Variants in EHBP1 observed in about 807,000 individuals in gnomAD.
The protein encoded by EHBP1 is EH domain binding protein 1, also known as EH domain-binding protein 1.
A neutral mutation model predicts 144.0 loss-of-function variants in EHBP1; 55 were observed. That is an observed-to-expected ratio of 0.38 (90% CI 0.31 to 0.48). EHBP1 has a LOEUF of 0.48. Ranked by LOEUF, EHBP1 falls within the 20% of genes least tolerant of loss-of-function variation. The pLI is 0.98. For missense variants in EHBP1, 1,200 were observed against 1,364.2 expected (o/e 0.88, Z 1.90); for synonymous variants, 469 against 472.7 (o/e 0.99, Z 0.10).
At chr2:63,038,691 T>G (rs574202097) in intron 20 of EHBP1, 52 bp from the exon 21 acceptor site, 54 of 1,534,670 alleles carry the variant, frequency 3.5e-5, no homozygotes, top group Non-Finnish European at 4.7e-5. Flanking sequence ...TTCTTTTAAG[T>G]TTTTAATGAT....
At chr2:62,780,205 A>G (rs1418793189) in intron 5 of EHBP1, among the ~76,000 whole-genome samples, 1 of 152,168 alleles carries the variant, frequency 6.6e-6, no homozygotes, top group Non-Finnish European at 1.5e-5. Context: ...AAAAAAATTG[A>G]CTATATAAGA....
chr2:62,899,622 T>C (rs146164187), intron 10 of EHBP1, among the ~76,000 whole-genome samples: 23 of 152,346 alleles, frequency 1.5e-4, no homozygotes, highest in African/African-American at 5.1e-4. Context: ...GTCACAGATA[T>C]ATTACATGCA....
chr2:62,764,441 T>C (rs1281811333), intron 4 of EHBP1, 80 bp downstream of exon 4: 3 of 1,152,780 alleles, frequency 2.6e-6, no homozygotes, highest in Non-Finnish European at 2.4e-6. Context: ...TGTTCATTGT[T>C]CTATACATTT....
intron 10 of EHBP1, among the ~76,000 whole-genome samples, chr2:62,910,794 A>T (rs912191645): frequency 6.6e-6 from 1 of 152,148 alleles, no homozygotes; most frequent in Non-Finnish European, 1.5e-5. Context: ...TAATATTTTG[A>T]TGGGGAATAT....
chr2:63,022,529 G>A (rs909751362), intron 19 of EHBP1, among the ~76,000 whole-genome samples: 1 of 151,806 alleles, frequency 6.6e-6, no homozygotes, highest in Non-Finnish European at 1.5e-5. Context: ...TGGCCAGGCT[G>A]ATCTCGAACT....
At chr2:62,863,549 T>G (rs1234377580) in intron 8 of EHBP1, among the ~76,000 whole-genome samples, 1 of 152,196 alleles carries the variant, frequency 6.6e-6, no homozygotes, top group Non-Finnish European at 1.5e-5. Context: ...ATTATAGTGC[T>G]TTCACCTTGA....
At chr2:62,906,014 A>G (rs984993356) in intron 10 of EHBP1, among the ~76,000 whole-genome samples, 4 of 152,150 alleles carry the variant, frequency 2.6e-5, no homozygotes, top group Non-Finnish European at 5.9e-5. Flanking sequence ...TATATAAAAA[A>G]AAACTTTCAC....
At chr2:62,861,729 G>A (rs1441132679) in intron 8 of EHBP1, among the ~76,000 whole-genome samples, 1 of 151,072 alleles carries the variant, frequency 6.6e-6, no homozygotes, top group Non-Finnish European at 1.5e-5. Context: ...GCGACAGAGT[G>A]AGTGAAACTC....
intron 7 of EHBP1, among the ~76,000 whole-genome samples, chr2:62,854,217 T>A (rs2048871597): frequency 6.6e-6 from 1 of 152,244 alleles, no homozygotes; most frequent in Admixed American, 6.5e-5. Context: ...CTTAAGGGAA[T>A]GCTATGGTTG....
Position 62,942,730 on chromosome 2 carries a change from C to G in EHBP1, c.1198C>G (p.Pro400Ala), listed in dbSNP as rs776977407. 6.2e-7 allele frequency: 1 copy of G among 1,602,836 alleles called. No homozygotes were observed. The highest frequency in any genetic ancestry group is 8.5e-7 in the Non-Finnish European group (1 of 1,173,912). The change falls in exon 11 of 23, where the codon CCA becomes GCA. Residue 400 changes from proline to alanine, a missense_variant. Physicochemically the swap from Pro to Ala is conservative, Grantham distance 27. Transcript: ENST00000431489. ...CATTTTTTTCTAGCCAAGCCCTATACCAAGTCCTGTTTTGGGGCGAAAGCC... is the reference window on the plus strand; with the variant it reads ...CATTTTTTTCTAGCCAAGCCCTATAGCAAGTCCTGTTTTGGGGCGAAAGCC... ...LSTSPKPSPIPSPVLGRKPNA... is the reference protein window; with the variant it reads ...LSTSPKPSPIASPVLGRKPNA...
At chr2:62,988,552 G>A (rs1414689958) in intron 15 of EHBP1, among the ~76,000 whole-genome samples, 2 of 152,056 alleles carry the variant, frequency 1.3e-5, no homozygotes, top group African/African-American at 2.4e-5. Context: ...AAACTATATA[G>A]ACTGCTGTTA....
intron 19 of EHBP1, among the ~76,000 whole-genome samples, chr2:63,020,971 C>G (rs2060716577): frequency 6.8e-6 from 1 of 147,510 alleles, no homozygotes; most frequent in Non-Finnish European, 1.5e-5. Flanking sequence ...AGCCACCGTG[C>G]CTGGCCTCAT....
intron 3 of EHBP1, among the ~76,000 whole-genome samples, chr2:62,754,189 G>A (rs760060020): frequency 2.0e-5 from 3 of 152,152 alleles, no homozygotes; most frequent in Non-Finnish European, 4.4e-5. Context: ...TGTCCTTTCT[G>A]TTTGTTAGTT....
At chr2:63,034,618 C>G (rs1324133482) in intron 19 of EHBP1, among the ~76,000 whole-genome samples, 1 of 151,908 alleles carries the variant, frequency 6.6e-6, no homozygotes, top group African/African-American at 2.4e-5. Flanking sequence ...AATACAACCT[C>G]TTTTTCTTTT....
intron 5 of EHBP1, among the ~76,000 whole-genome samples, chr2:62,804,308 A>G (rs562300496): frequency 6.6e-6 from 1 of 152,304 alleles, no homozygotes; most frequent in Admixed American, 6.5e-5. Context: ...GACAAATTAC[A>G]AGCAAGAAAG....
chr2:62,997,158 C>T (rs1212916162), intron 19 of EHBP1, among the ~76,000 whole-genome samples: 2 of 151,908 alleles, frequency 1.3e-5, no homozygotes, highest in African/African-American at 2.4e-5. Flanking sequence ...GCATAGGGGA[C>T]GGCTCCATGG....
chr2:62,676,732 G>A (rs974300974), intron 1 of EHBP1, among the ~76,000 whole-genome samples: 57 of 152,000 alleles, frequency 3.8e-4, no homozygotes, highest in African/African-American at 1.3e-3. Flanking sequence ...AAGGGCCTTC[G>A]CCGGTCAGTG....
chr2:62,994,651 A>C (rs1056491055), intron 18 of EHBP1, among the ~76,000 whole-genome samples: 9 of 152,092 alleles, frequency 5.9e-5, no homozygotes, highest in African/African-American at 2.2e-4. Context: ...TAATAGTACT[A>C]CTTTTTAAAT....
chr2:62,899,311 G>T (rs752125102), intron 10 of EHBP1, among the ~76,000 whole-genome samples: 1 of 152,150 alleles, frequency 6.6e-6, no homozygotes, highest in Non-Finnish European at 1.5e-5. Flanking sequence ...TATTGTTAAG[G>T]CCCATGTGGA....
Sources: gnomAD v4.1 joint callset for allele counts (sites outside exome capture counted in the v4.1 genomes callset) on GRCh38, gnomAD v4.1.1 for gene constraint, MANE v1.5 for transcripts, NCBI Gene and HGNC (gene_info 2026-07-23, HGNC 2026-07-21) for gene names.